Variants in SCTR observed in about 807,000 individuals in gnomAD.
SCTR encodes secretin receptor, also known as pancreatic secretin receptor.
A neutral mutation model predicts 60.8 loss-of-function variants in SCTR; 56 were observed. The observed-to-expected ratio is 0.92, with a 90% CI of 0.74 to 1.15. The LOEUF (loss-of-function observed/expected upper bound fraction) is 1.15, where lower values mean the gene tolerates loss of function less well. Ranked by LOEUF, SCTR falls within the 50% of genes most tolerant of loss-of-function variation. The probability of loss-of-function intolerance (pLI) is 0.00; values close to 1 mark genes in which losing one functional copy is unlikely to be tolerated. For synonymous variants in SCTR, 202 were observed against 217.0 expected (o/e 0.93, Z 0.61); for missense variants, 562 against 550.4 (o/e 1.02, Z -0.21).
intron 4 of SCTR, among the ~76,000 whole-genome samples, chr2:119,467,609 C>T (rs1332214701): frequency 6.6e-6 from 1 of 152,092 alleles, no homozygotes; most frequent in Non-Finnish European, 1.5e-5. Flanking sequence ...TTTGACCTCC[C>T]TTCTACCTTC....
intron 2 of SCTR, among the ~76,000 whole-genome samples, chr2:119,482,645 A>G (rs10207050): frequency 6.6e-6 from 1 of 152,174 alleles, no homozygotes; most frequent in Non-Finnish European, 1.5e-5. Flanking sequence ...CTCCGCCACT[A>G]TCCCGAGGCT....
At chr2:119,453,397 C>G (rs1285748884) in intron 7 of SCTR, 50 bp from the exon 8 acceptor site, 15 of 1,395,808 alleles carry the variant, frequency 1.1e-5, no homozygotes, top group Non-Finnish European at 1.5e-5. Context: ...ACTCAATTTT[C>G]AACACACATA....
At chr2:119,490,533 T>C (rs1678074221) in intron 2 of SCTR, among the ~76,000 whole-genome samples, 1 of 152,210 alleles carries the variant, frequency 6.6e-6, no homozygotes, top group Admixed American at 6.5e-5. Flanking sequence ...TAAAACTACA[T>C]GTGTGATTTT....
intron 3 of SCTR, among the ~76,000 whole-genome samples, chr2:119,474,909 G>T (rs73951142): frequency 0.014 from 2,136 of 152,330 alleles, 41 homozygotes; most frequent in African/African-American, 0.046. Context: ...GGCCTGGAGC[G>T]CAGGTTTAGA....
intron 2 of SCTR, chr2:119,485,904 T>C (rs1677848433): frequency 6.6e-6 from 1 of 152,556 alleles, no homozygotes; most frequent in Non-Finnish European, 1.5e-5. Flanking sequence ...CGTGTATCTC[T>C]TTGCCTCTCT....
chr2:119,455,237 C>T (rs1573810424), intron 7 of SCTR, among the ~76,000 whole-genome samples: 2 of 152,234 alleles, frequency 1.3e-5, no homozygotes, highest in East Asian at 1.9e-4. Flanking sequence ...TCTAGAGGAA[C>T]TGAACAGCCC....
intron 10 of SCTR, among the ~76,000 whole-genome samples, chr2:119,447,638 C>T (rs6721497): frequency 0.043 from 6,543 of 152,234 alleles, 443 homozygotes; most frequent in African/African-American, 0.15. Context: ...GTGGCGCAAT[C>T]GCGGCTCACT....
At chr2:119,450,316 C>T (rs75859820) in intron 9 of SCTR, among the ~76,000 whole-genome samples, 3,125 of 152,226 alleles carry the variant, frequency 0.021, 98 homozygotes, top group African/African-American at 0.072. Context: ...TAAACCACAG[C>T]CCTCTGAAAC....
intron 1 of SCTR, among the ~76,000 whole-genome samples, chr2:119,503,384 A>T (rs1420457617): frequency 6.6e-6 from 1 of 152,060 alleles, no homozygotes; most frequent in Non-Finnish European, 1.5e-5. Context: ...CTGGCAACAC[A>T]GTGAGATCCC....
At chr2:119,519,832 A>AG (rs1679234043) in intron 1 of SCTR, among the ~76,000 whole-genome samples, 1 of 140,222 alleles carries the variant, frequency 7.1e-6, no homozygotes, top group Non-Finnish European at 1.5e-5. Flanking sequence ...AAAAAAGAAA[A>AG]AAAGAAAAGA....
intron 3 of SCTR, chr2:119,477,038 A>C (rs1345882503): frequency 6.6e-6 from 1 of 152,316 alleles, no homozygotes; most frequent in Admixed American, 6.5e-5. Context: ...GGAGAGGAGT[A>C]GGGGAGAAGG....
chr2:119,499,505 C>T (rs1678460171), intron 1 of SCTR, among the ~76,000 whole-genome samples: 1 of 151,982 alleles, frequency 6.6e-6, no homozygotes, highest in African/African-American at 2.4e-5. Flanking sequence ...GAACTGAAAT[C>T]ATATACAATG....
chr2:119,466,130 T>C (rs1004927486), intron 4 of SCTR, among the ~76,000 whole-genome samples: 4 of 152,050 alleles, frequency 2.6e-5, no homozygotes, highest in African/African-American at 7.2e-5. Context: ...CAAACTTCCA[T>C]CTTATGTATA....
chr2:119,477,940 ATG>A (rs1010575619), intron 3 of SCTR, among the ~76,000 whole-genome samples: 4 of 152,122 alleles, frequency 2.6e-5, no homozygotes, highest in African/African-American at 9.7e-5. Context: ...TTCCCCAAAT[ATG>A]TGTGTGTGTG....
intron 2 of SCTR, among the ~76,000 whole-genome samples, chr2:119,492,526 G>A (rs2579656): frequency 0.32 from 48,955 of 152,064 alleles, 8,860 homozygotes; most frequent in East Asian, 0.5. Flanking sequence ...TTTCTTTCCC[G>A]CTGTCTTTCT....
chr2:119,487,022 C>T (rs1290245516), intron 2 of SCTR: 3 of 152,188 alleles, frequency 2.0e-5, no homozygotes, highest in Non-Finnish European at 4.4e-5. Context: ...ACCTCAAGAA[C>T]ATTATTCTCG....
intron 8 of SCTR, 61 bp downstream of exon 8, chr2:119,453,226 G>A: frequency 7.8e-7 from 1 of 1,282,148 alleles, no homozygotes; most frequent in Non-Finnish European, 1.1e-6. Flanking sequence ...AAGTAACTAT[G>A]CTGTTTGAAA....
intron 4 of SCTR, among the ~76,000 whole-genome samples, chr2:119,466,595 T>A (rs1438123300): frequency 3.3e-5 from 5 of 152,000 alleles, no homozygotes; most frequent in Non-Finnish European, 5.9e-5. Flanking sequence ...CTACAAAAAA[T>A]TTTAAAATTA....
intron 2 of SCTR, among the ~76,000 whole-genome samples, chr2:119,481,140 GT>G (rs1293447881): frequency 6.6e-6 from 1 of 152,254 alleles, no homozygotes; most frequent in Non-Finnish European, 1.5e-5. Context: ...ACTAGGCTGG[GT>G]CCCCTGAATG....
Sources: gnomAD v4.1 joint callset for allele counts (sites outside exome capture counted in the v4.1 genomes callset) on GRCh38, gnomAD v4.1.1 for gene constraint, MANE v1.5 for transcripts, NCBI Gene and HGNC (gene_info 2026-07-23, HGNC 2026-07-21) for gene names.